Variants in CFAP58 observed in about 807,000 individuals in gnomAD.
CFAP58 encodes cilia and flagella associated protein 58.
In CFAP58, 88 loss-of-function variants were observed where a neutral mutation model predicts 119.5. The ratio of observed to expected loss-of-function variants is 0.74; its 90% CI spans 0.62 to 0.88. The LOEUF is 0.88. Ranked by LOEUF, CFAP58 falls within the 40% of genes least tolerant of loss-of-function variation. The pLI is 0.00. For missense variants in CFAP58, 990 were observed against 1,021.2 expected, an observed-to-expected ratio of 0.97 and a Z score of 0.42; for synonymous variants, 365 against 366.3, an observed-to-expected ratio of 1.00 and a Z score of 0.04.
At chr10:104,358,000 C>CATATATACACATATATGTACAT in intron 1 of CFAP58, among the ~76,000 whole-genome samples, 1 of 133,274 alleles carries the variant, frequency 7.5e-6, no homozygotes, top group East Asian at 2.2e-4. Context: ...TATATGTACA[C>CATATATACACATATATGTACAT]ATATATACAC....
At chr10:104,362,250 G>C in intron 3 of CFAP58, 79 bp downstream of exon 3, 1 of 1,264,754 alleles carries the variant, frequency 7.9e-7, no homozygotes. Context: ...GGGCTTGCCA[G>C]TGTCTTCTTG....
chr10:104,382,330 G>A (rs2011828533), intron 9 of CFAP58: 1 of 579,748 alleles, frequency 1.7e-6, no homozygotes, highest in Non-Finnish European at 3.2e-6. Flanking sequence ...TGTAGGGTGA[G>A]GCAGCAAATA....
chr10:104,358,010 CATATATGTACAT>C (rs1246277310), intron 1 of CFAP58, among the ~76,000 whole-genome samples: 2 of 127,848 alleles, frequency 1.6e-5, no homozygotes, highest in African/African-American at 6.0e-5. Context: ...CATATATACA[CATATATGTACAT>C]ATATATACAT....
At chr10:104,423,676 A>C (rs946185482) in intron 15 of CFAP58, among the ~76,000 whole-genome samples, 3 of 152,216 alleles carry the variant, frequency 2.0e-5, no homozygotes, top group African/African-American at 7.2e-5. Context: ...GTTGTTATTG[A>C]ATCTGTATAC....
chr10:104,431,618 A>T (rs1212627914), intron 15 of CFAP58, among the ~76,000 whole-genome samples: 1 of 152,150 alleles, frequency 6.6e-6, no homozygotes, highest in Non-Finnish European at 1.5e-5. Context: ...TTTGTTTCAG[A>T]TTTTTTAAAA....
At position 104,400,791 on chromosome 10, in the gene CFAP58, A is replaced by C; in HGVS notation, c.1927A>C (p.Ser643Arg). 6.2e-7 allele frequency: 1 copy of C among 1,614,114 alleles called. No individual in the cohort carries two copies. Among genetic ancestry groups the C allele is most frequent in the Non-Finnish European group, 8.5e-7 (1 of 1,180,002 alleles). The change falls in exon 13 of 18, where the codon AGC becomes CGC. Residue 643 changes from serine to arginine, a missense_variant. Coordinates refer to ENST00000369704, the MANE Select transcript of CFAP58 (RefSeq NM_001008723.2). ...IQQSVLNKGE[S>R]QYNQRLEDMR... ...ACAGTCTGTGCTGAATAAAGGGGAGAGCCAGTACAACCAGAGGTTGGAGGA... is the reference window on the plus strand; with the variant it reads ...ACAGTCTGTGCTGAATAAAGGGGAGCGCCAGTACAACCAGAGGTTGGAGGA...
At chr10:104,439,921 G>A (rs564031530) in intron 15 of CFAP58, among the ~76,000 whole-genome samples, 3 of 152,278 alleles carry the variant, frequency 2.0e-5, no homozygotes, top group South Asian at 4.1e-4. Context: ...CCGGGTTCAC[G>A]CCATTCTCCT....
At chr10:104,383,732 T>G (rs2133018034) in intron 9 of CFAP58, among the ~76,000 whole-genome samples, 1 of 147,344 alleles carries the variant, frequency 6.8e-6, no homozygotes, top group South Asian at 2.1e-4. Flanking sequence ...CTTCTCATAT[T>G]TCTTTCTTTC....
chr10:104,412,409 TTCCTTATTTAGC>T (rs2133056924), intron 15 of CFAP58, among the ~76,000 whole-genome samples: 1 of 152,232 alleles, frequency 6.6e-6, no homozygotes, highest in African/African-American at 2.4e-5. Flanking sequence ...TTTTAATCAA[TTCCTTATTTAGC>T]GTTTGGAATG....
upstream of CFAP58, among the ~76,000 whole-genome samples, chr10:104,352,136 T>G (rs1246431087): frequency 6.6e-6 from 1 of 152,146 alleles, no homozygotes; most frequent in Non-Finnish European, 1.5e-5. Context: ...AATTAGCTAA[T>G]TAGATGAGTC....
At chr10:104,408,347 G>GT (rs1309747774) in intron 15 of CFAP58, among the ~76,000 whole-genome samples, 6 of 152,168 alleles carry the variant, frequency 3.9e-5, no homozygotes, top group Admixed American at 3.9e-4. Context: ...AATAATACGT[G>GT]TTTTTTATAA....
chr10:104,364,790 A>C lies in CFAP58; in HGVS notation c.498A>C (p.Leu166Phe). ...TGACAAAGGAGAGAGACCAGCTCTT[A>C]TCAGAAGTGGTAAAATTACGAGAAT... Reference protein sequence around the residue: ...EEVTKERDQLLSEVVKLRESL... With the variant: ...EEVTKERDQLFSEVVKLRESL... The change falls in exon 4 of 18, where the codon TTA (leucine) becomes TTC (phenylalanine). Residue 166 changes from leucine to phenylalanine, a missense_variant. Coordinates refer to ENST00000369704, the MANE Select transcript of CFAP58 (RefSeq NM_001008723.2). 1 of 1,612,918 alleles carries C rather than the reference A, an allele frequency of 6.2e-7. No individual in the cohort carries two copies. Among genetic ancestry groups the C allele is most frequent in the South Asian group, 1.1e-5 (1 of 91,002 alleles).
intron 13 of CFAP58, among the ~76,000 whole-genome samples, chr10:104,402,879 G>A (rs1001820023): frequency 6.6e-6 from 1 of 152,150 alleles, no homozygotes; most frequent in Non-Finnish European, 1.5e-5. Flanking sequence ...AAGCTCCCCA[G>A]GGGATTTCAA....
intron 15 of CFAP58, among the ~76,000 whole-genome samples, chr10:104,418,876 A>G (rs1172110212): frequency 6.6e-6 from 1 of 152,178 alleles, no homozygotes; most frequent in Non-Finnish European, 1.5e-5. Flanking sequence ...TCACTAGACG[A>G]TGATGTGGGA....
chr10:104,415,963 G>GCA (rs1454592460), intron 15 of CFAP58, among the ~76,000 whole-genome samples: 1 of 152,138 alleles, frequency 6.6e-6, no homozygotes, highest in South Asian at 2.1e-4. Flanking sequence ...CTTTCCCTAT[G>GCA]CACAGGCAGC....
chr10:104,364,836 C>T lies in CFAP58; in HGVS notation c.544C>T (p.Gln182Ter). Reference sequence around the variant, plus strand: ...AGAATCCCTAGCTCAGACCACTGAACAGCAGCAGGAAACAGAGCGATCAAA... The same window carrying T: ...AGAATCCCTAGCTCAGACCACTGAATAGCAGCAGGAAACAGAGCGATCAAA... ...LRESLAQTTE[Q>*]QQETERSKEE... The change falls in exon 4 of 18, where the codon CAG becomes TAG. Residue 182 changes from glutamine (Q) to a stop codon, truncating the protein, a stop_gained. Transcript: ENST00000369704. LOFTEE classifies it high-confidence loss of function. 6.2e-7 allele frequency: 1 copy of T among 1,612,250 alleles called. No individual in the cohort carries two copies. The highest frequency in any genetic ancestry group is 1.1e-5 in the South Asian group (1 of 90,942).
chr10:104,342,038 A>G, the CFAP58 span, among the ~76,000 whole-genome samples: 2 of 152,250 alleles, frequency 1.3e-5, no homozygotes, highest in African/African-American at 4.8e-5. Flanking sequence ...GTCTAAGACT[A>G]TAAAAGGCTT....
chr10:104,365,422 T>C (rs1252622405), intron 4 of CFAP58, among the ~76,000 whole-genome samples: 2 of 152,180 alleles, frequency 1.3e-5, no homozygotes, highest in Non-Finnish European at 2.9e-5. Flanking sequence ...TCTTTAGCAA[T>C]ATCCAGGGTC....
chr10:104,345,354 T>C, the CFAP58 span, among the ~76,000 whole-genome samples: 1 of 152,114 alleles, frequency 6.6e-6, no homozygotes, highest in African/African-American at 2.4e-5. Flanking sequence ...CATTTTATTG[T>C]AATCCTTACT....
Sources: allele counts gnomAD v4.1 joint callset (sites outside exome capture counted in the v4.1 genomes callset), GRCh38; gene constraint gnomAD v4.1.1; transcripts MANE v1.5; gene names NCBI Gene and HGNC (gene_info 2026-07-23, HGNC 2026-07-21).